The following NOL10 variants were observed in gnomAD, a reference collection of about 807,000 sequenced individuals.
NOL10 encodes nucleolar protein 10, also known as H_NH0074G24.1.
Under a neutral mutation model 103.5 loss-of-function variants are expected in NOL10, and 58 were observed. The observed-to-expected ratio is 0.56, with a 90% CI of 0.45 to 0.70. The LOEUF is 0.70. Among genes scored for constraint, NOL10 ranks in the 30% least tolerant of loss-of-function variants. The pLI is 0.00. For missense variants in NOL10, 763 were observed against 807.3 expected, an observed-to-expected ratio of 0.95 and a Z score of 0.67; for synonymous variants, 287 against 282.5, an observed-to-expected ratio of 1.02 and a Z score of -0.16.
In NOL10 at chr2:10,669,499, CACACACACATATAT is replaced by C. The variant is rs1680785230; in HGVS notation, c.465-790_465-777del. ...ATATATATACACACACACACACATA[CACACACACATATAT>C]ACACACACACACACACACACACACA... On this transcript the variant is annotated intron_variant, in intron 6 of 20. Transcript: ENST00000381685. Among the ~76,000 whole-genome samples the C allele has an allele frequency of 3.9e-5, 3 of 76,382 alleles. No individual in the cohort carries two copies. In the South Asian group the frequency reaches 2.2e-3, roughly 56 times the overall value. 50.1% of individuals were successfully genotyped at this position (76,382 alleles called of 152,430 possible).
At chr2:10,599,913 T>C (rs922530537) in intron 17 of NOL10, among the ~76,000 whole-genome samples, 1 of 152,056 alleles carries the variant, frequency 6.6e-6, no homozygotes. Flanking sequence ...TCCCTGGGTA[T>C]TGAAAAGCAT....
chr2:10,638,713 G>A (rs918315097), intron 13 of NOL10, among the ~76,000 whole-genome samples: 16 of 147,974 alleles, frequency 1.1e-4, no homozygotes, highest in Non-Finnish European at 1.9e-4. Flanking sequence ...GGTTGGTCTT[G>A]AACTCCTGAA....
At chr2:10,581,084 T>C (rs6721857) in intron 19 of NOL10, among the ~76,000 whole-genome samples, 52,313 of 152,164 alleles carry the variant, frequency 0.34, 9,428 homozygotes, top group Non-Finnish European at 0.4. Context: ...TCCGTTTCCA[T>C]GTGTTGCTTC....
intron 19 of NOL10, 129 bp downstream of exon 19, chr2:10,588,914 C>T (rs1675254948): frequency 7.2e-7 from 1 of 1,383,162 alleles, no homozygotes; most frequent in East Asian, 2.3e-5. Context: ...CCCCTGCTTC[C>T]CTCGTCCCCT....
intron 13 of NOL10, among the ~76,000 whole-genome samples, chr2:10,623,357 C>T (rs1677258463): frequency 1.3e-5 from 2 of 152,144 alleles, no homozygotes; most frequent in African/African-American, 2.4e-5. Context: ...GACCGGGGCT[C>T]GTGGGTCTTA....
intron 13 of NOL10, among the ~76,000 whole-genome samples, chr2:10,625,883 A>G (rs954101543): frequency 6.6e-6 from 1 of 152,176 alleles, no homozygotes; most frequent in Admixed American, 6.5e-5. Context: ...ACATTAAAAA[A>G]ATGTGTCAGG....
intron 13 of NOL10, among the ~76,000 whole-genome samples, chr2:10,610,974 T>C (rs1676534014): frequency 6.6e-6 from 1 of 152,232 alleles, no homozygotes; most frequent in East Asian, 1.9e-4. Context: ...TATAAGACTT[T>C]CTTTTTTTCT....
At chr2:10,673,656 T>C (rs6748766) in intron 4 of NOL10, 99 bp from the exon 5 acceptor site, 763,772 of 766,040 alleles carry the variant, frequency 1, 380,794 homozygotes, top group South Asian at 1. Context: ...AGAAATTATA[T>C]ACATACCAGT....
intron 5 of NOL10, among the ~76,000 whole-genome samples, chr2:10,672,740 C>T (rs1681031342): frequency 6.6e-6 from 1 of 152,168 alleles, no homozygotes; most frequent in African/African-American, 2.4e-5. Flanking sequence ...CGCCTGTAAT[C>T]CCAACACTTT....
chr2:10,661,840 GA>G (rs780229330), intron 9 of NOL10, among the ~76,000 whole-genome samples: 1 of 148,244 alleles, frequency 6.7e-6, no homozygotes, highest in Non-Finnish European at 1.5e-5. Context: ...GGTTTGTAGG[GA>G]AAACAAAAAC....
At chr2:10,593,727 C>T (rs1305236644) in intron 17 of NOL10, among the ~76,000 whole-genome samples, 1 of 152,190 alleles carries the variant, frequency 6.6e-6, no homozygotes, top group Non-Finnish European at 1.5e-5. Context: ...TTGGCTGAGG[C>T]TGGCACTGCA....
chr2:10,661,063 T>C (rs1346581631), intron 9 of NOL10, among the ~76,000 whole-genome samples: 1 of 152,198 alleles, frequency 6.6e-6, no homozygotes, highest in East Asian at 1.9e-4. Flanking sequence ...CTGATAACGA[T>C]GTGGTAACAC....
intron 20 of NOL10, among the ~76,000 whole-genome samples, chr2:10,573,080 CTT>C (rs1674265779): frequency 8.2e-6 from 1 of 121,354 alleles, no homozygotes. Flanking sequence ...AAAAAAATTT[CTT>C]AGCGGTGGAA....
intron 2 of NOL10, 69 bp from the exon 3 acceptor site, chr2:10,682,138 G>GGGT (rs1681811167): frequency 9.8e-6 from 6 of 613,922 alleles, no homozygotes; most frequent in Non-Finnish European, 1.3e-5. Flanking sequence ...GAAGACAAAT[G>GGGT]GGTACCAAGC....
chr2:10,615,901 T>C (rs1024326467), intron 13 of NOL10, among the ~76,000 whole-genome samples: 7 of 151,966 alleles, frequency 4.6e-5, no homozygotes, highest in Admixed American at 2.0e-4. Context: ...ATGTGCGGGG[T>C]GGGTGGGGAG....
At position 10,662,983 on chromosome 2, in the gene NOL10, A is replaced by C; in HGVS notation, c.653T>G (p.Leu218Ter). The change falls in exon 9 of 21, where the codon TTA becomes TGA. Residue 218 changes from leucine to a stop codon, truncating the protein, a stop_gained. Coordinates refer to ENST00000381685, the MANE Select transcript of NOL10 (RefSeq NM_024894.4). LOFTEE classifies it high-confidence loss of function. ...CTCTGAATCTGCTGTGACACTGTTT[A>C]AGGCGCAGTCTAACAGGCCAACTCT... ...RNRVGLLDCA[L>*]NSVTADSEIN... The C allele has an allele frequency of 6.2e-7, 1 of 1,613,736 alleles. No homozygotes were observed. Among genetic ancestry groups the C allele is most frequent in the Non-Finnish European group, 8.5e-7 (1 of 1,179,610 alleles).
At chr2:10,598,509 T>A (rs1675814213) in intron 17 of NOL10, among the ~76,000 whole-genome samples, 1 of 152,304 alleles carries the variant, frequency 6.6e-6, no homozygotes, top group South Asian at 2.1e-4. Context: ...AAGTCTGTAG[T>A]GAGGGGACCA....
intron 4 of NOL10, 133 bp downstream of exon 4, chr2:10,675,661 C>A: frequency 1.8e-6 from 1 of 566,320 alleles, no homozygotes; most frequent in Non-Finnish European, 3.2e-6. Context: ...TGTTTTAAGC[C>A]ATCGGGATTG....
intron 12 of NOL10, among the ~76,000 whole-genome samples, chr2:10,647,239 C>G (rs943712675): frequency 2.0e-4 from 30 of 152,000 alleles, no homozygotes; most frequent in Admixed American, 3.9e-4. Flanking sequence ...AGTGCCCTCC[C>G]CAGAAACATG....
Sources: allele counts gnomAD v4.1 joint callset (sites outside exome capture counted in the v4.1 genomes callset), GRCh38; gene constraint gnomAD v4.1.1; transcripts MANE v1.5; gene names NCBI Gene and HGNC (gene_info 2026-07-23, HGNC 2026-07-21).